Variants in ZNRF1 observed in about 807,000 individuals in gnomAD.
The protein encoded by ZNRF1 is E3 ubiquitin-protein ligase ZNRF1.
ZNRF1 carries 3 observed loss-of-function variants against 18.4 expected under a neutral mutation model. The ratio of observed to expected loss-of-function variants is 0.16; its 90% CI spans 0.07 to 0.42. The LOEUF (loss-of-function observed/expected upper bound fraction) is 0.42. Among genes scored for constraint, ZNRF1 ranks in the 10% least tolerant of loss-of-function variants. The probability of loss-of-function intolerance (pLI) is 0.99; values close to 1 mark genes in which losing one functional copy is unlikely to be tolerated. For missense variants in ZNRF1, 310 were observed against 329.8 expected (o/e 0.94, Z 0.47); for synonymous variants, 157 against 144.2 (o/e 1.09, Z -0.64).
intron 1 of ZNRF1, among the ~76,000 whole-genome samples, chr16:75,048,246 C>T (rs1349128964): frequency 6.6e-6 from 1 of 152,134 alleles, no homozygotes; most frequent in Non-Finnish European, 1.5e-5. Flanking sequence ...TCAGCCCCAG[C>T]CCCTAATCTC....
intron 1 of ZNRF1, among the ~76,000 whole-genome samples, chr16:75,036,766 C>A (rs1474820422): frequency 1.3e-5 from 2 of 152,078 alleles, no homozygotes; most frequent in Non-Finnish European, 2.9e-5. Flanking sequence ...CAGATTACAC[C>A]TGGATGGTAT....
At chr16:75,031,644 CT>C (rs1379777291) in intron 1 of ZNRF1, among the ~76,000 whole-genome samples, 2 of 151,988 alleles carry the variant, frequency 1.3e-5, no homozygotes, top group Admixed American at 1.3e-4. Context: ...GTAACTGGGA[CT>C]ACAGGCGCTT....
At chr16:75,044,335 C>A (rs2035487090) in intron 1 of ZNRF1, among the ~76,000 whole-genome samples, 1 of 152,046 alleles carries the variant, frequency 6.6e-6, no homozygotes, top group Non-Finnish European at 1.5e-5. Flanking sequence ...CCTCCCACTT[C>A]AGCCTCCCAA....
chr16:75,099,712 C>T (rs956779860), intron 2 of ZNRF1, among the ~76,000 whole-genome samples: 1 of 152,214 alleles, frequency 6.6e-6, no homozygotes, highest in Non-Finnish European at 1.5e-5. Context: ...GGACATTTGA[C>T]TCCATCTGCA....
chr16:75,038,810 T>C (rs1242519612), intron 1 of ZNRF1, among the ~76,000 whole-genome samples: 4 of 152,180 alleles, frequency 2.6e-5, no homozygotes, highest in Non-Finnish European at 5.9e-5. Flanking sequence ...GTCCTCCCAC[T>C]CCTTTGAGCC....
At chr16:75,101,970 C>G (rs941549332) in intron 2 of ZNRF1, among the ~76,000 whole-genome samples, 1 of 152,226 alleles carries the variant, frequency 6.6e-6, no homozygotes, top group Non-Finnish European at 1.5e-5. Flanking sequence ...GTTTGTGTCA[C>G]CCTTTCAGGT....
Position 74,999,989 on chromosome 16 carries a change from G to A in ZNRF1, c.318G>A (p.Thr106=). 5.7e-6 allele frequency: 9 copies of A among 1,585,750 alleles called. No homozygotes were observed. Among genetic ancestry groups the A allele is most frequent in the Non-Finnish European group, 7.7e-6 (9 of 1,167,044 alleles). ...TYAHGNGYQE[T]GGGHHRDGML... ...CCCATGGCAATGGTTACCAGGAGAC[G>A]GGCGGCGGTCACCATAGAGACGGGA... Residue 106 remains threonine, a synonymous_variant, in exon 1 of 5, where the codon ACG becomes ACA. Transcript: ENST00000335325.
rs2145434330 is a variant in ZNRF1, at chr16:75,107,777, G to C, written c.*77G>C. 1 of 456,476 alleles carries C rather than the reference G, an allele frequency of 2.2e-6. No homozygotes were observed. Among genetic ancestry groups the C allele is most frequent in the Non-Finnish European group, 4.4e-6 (1 of 226,790 alleles). 28.3% of individuals were successfully genotyped at this position (456,476 alleles called of 1,614,324 possible). Reference sequence around the variant, plus strand: ...CAGGGAGGAGGCTCACCGGACCCTGGGGCAGAGCTGAGCTTGGGACACCAG... The same window carrying C: ...CAGGGAGGAGGCTCACCGGACCCTGCGGCAGAGCTGAGCTTGGGACACCAG... On this transcript the variant is annotated 3_prime_UTR_variant, in exon 5 of 5. Transcript: ENST00000335325.
At chr16:75,077,990 T>C (rs1432715595) in intron 1 of ZNRF1, among the ~76,000 whole-genome samples, 1 of 152,214 alleles carries the variant, frequency 6.6e-6, no homozygotes. Context: ...CCATGTAAGG[T>C]AAACATTCAC....
intron 1 of ZNRF1, among the ~76,000 whole-genome samples, chr16:75,076,659 G>A (rs536195554): frequency 6.8e-6 from 1 of 146,564 alleles, no homozygotes; most frequent in African/African-American, 2.5e-5. Flanking sequence ...CCCAAGAGAG[G>A]ATGCCATGTG....
chr16:75,035,122 A>G (rs1168929446), intron 1 of ZNRF1, among the ~76,000 whole-genome samples: 1 of 59,072 alleles, frequency 1.7e-5, no homozygotes, highest in African/African-American at 6.4e-5. Flanking sequence ...CCCACCCTCC[A>G]CCCCCCCTCC....
chr16:75,019,368 A>G (rs1231033608), intron 1 of ZNRF1, among the ~76,000 whole-genome samples: 1 of 152,102 alleles, frequency 6.6e-6, no homozygotes, highest in Non-Finnish European at 1.5e-5. Context: ...TATTTTCTTG[A>G]GACAGGGTCT....
intron 3 of ZNRF1, chr16:75,105,304 C>T (rs575339164): frequency 2.9e-5 from 5 of 173,010 alleles, no homozygotes; most frequent in Admixed American, 1.2e-4. Context: ...GGTGTACCCA[C>T]TGCCTTGCAC....
chr16:75,098,208 C>A (rs2036220893), intron 2 of ZNRF1, among the ~76,000 whole-genome samples: 1 of 152,232 alleles, frequency 6.6e-6, no homozygotes, highest in African/African-American at 2.4e-5. Context: ...GCCAGACTGG[C>A]CGCTGCTGGG....
chr16:75,102,725 C>T (rs2036267975), intron 2 of ZNRF1, among the ~76,000 whole-genome samples: 1 of 152,206 alleles, frequency 6.6e-6, no homozygotes, highest in Non-Finnish European at 1.5e-5. Flanking sequence ...AACCTCAGCT[C>T]TAGGCTTCAG....
At chr16:75,095,698 C>T (rs1282847065) in intron 2 of ZNRF1, 8 of 1,549,264 alleles carry the variant, frequency 5.2e-6, no homozygotes, top group East Asian at 2.4e-5. Context: ...GCTCTTGGGC[C>T]CCCATGGCCC....
intron 1 of ZNRF1, among the ~76,000 whole-genome samples, chr16:75,051,532 G>GGA (rs1555511972): frequency 3.5e-5 from 5 of 144,272 alleles, no homozygotes; most frequent in South Asian, 2.2e-4. Flanking sequence ...TTTTTTTTTT[G>GGA]GGGGGGACGG....
chr16:75,071,453 GC>G (rs2035869511), intron 1 of ZNRF1, among the ~76,000 whole-genome samples: 1 of 152,128 alleles, frequency 6.6e-6, no homozygotes, highest in South Asian at 2.1e-4. Flanking sequence ...CTCAGCAAGG[GC>G]CGTCAATCCA....
At chr16:75,009,307 T>A (rs2034964363) in intron 1 of ZNRF1, among the ~76,000 whole-genome samples, 1 of 152,206 alleles carries the variant, frequency 6.6e-6, no homozygotes, top group South Asian at 2.1e-4. Flanking sequence ...GTAACAAAAT[T>A]TACTATCTTA....
Sources: gnomAD v4.1 joint callset for allele counts (sites outside exome capture counted in the v4.1 genomes callset) on GRCh38, gnomAD v4.1.1 for gene constraint, MANE v1.5 for transcripts, NCBI Gene and HGNC (gene_info 2026-07-23, HGNC 2026-07-21) for gene names.